The following PBX3 variants were observed in gnomAD, a reference collection of about 807,000 sequenced individuals.
PBX3 encodes pre-B-cell leukemia transcription factor 3.
A neutral mutation model predicts 48.5 loss-of-function variants in PBX3; 14 were observed. The observed-to-expected ratio is 0.29, with a 90% CI of 0.19 to 0.45. The LOEUF (loss-of-function observed/expected upper bound fraction) is 0.45, where lower values mean the gene tolerates loss of function less well. Among genes scored for constraint, PBX3 ranks in the 20% least tolerant of loss-of-function variants. PBX3 has a pLI of 1.00. For missense variants in PBX3, 386 were observed against 546.7 expected (o/e 0.71, Z 2.93); for synonymous variants, 210 against 200.3 (o/e 1.05, Z -0.41).
At chr9:125,937,524 C>A (rs112312800) in intron 5 of PBX3, among the ~76,000 whole-genome samples, 3 of 152,032 alleles carry the variant, frequency 2.0e-5, no homozygotes, top group African/African-American at 7.3e-5. Context: ...AACTTTCTGA[C>A]CTTGTTTCTT....
At chr9:125,867,899 A>C (rs1840029018) in intron 2 of PBX3, among the ~76,000 whole-genome samples, 1 of 151,700 alleles carries the variant, frequency 6.6e-6, no homozygotes, top group Admixed American at 6.6e-5. Flanking sequence ...GTTTTGAGAC[A>C]AGGTCTTGTT....
rs534021447 is a variant in PBX3 at position 125,874,360 on chromosome 9, T to C, written c.275-41326T>C. The stretch of plus-strand genomic sequence containing the variant: ...ATATAACATTAATATAACCGTGATA[T>C]TGAAATAGGTAACAATACAAGAAAG... On this transcript the variant is annotated intron_variant, in intron 2 of 8. Transcript: ENST00000373489. 3.3e-5 allele frequency among the ~76,000 whole-genome samples: 5 copies of C among 152,232 alleles called. No individual in the cohort carries two copies. In the East Asian group the frequency reaches 9.7e-4, roughly 29 times the overall value.
intron 2 of PBX3, among the ~76,000 whole-genome samples, chr9:125,899,203 T>TTATA (rs1564162996): frequency 7.8e-6 from 1 of 127,808 alleles, no homozygotes; most frequent in African/African-American, 2.8e-5. Flanking sequence ...ATATATATAT[T>TTATA]TATAAATATA....
rs1261664139 is a variant in PBX3 at position 125,907,264 on chromosome 9, T to C, written c.275-8422T>C. Among the ~76,000 whole-genome samples the C allele has an allele frequency of 2.0e-5, 3 of 151,948 alleles. No homozygotes were observed. The East Asian group carries it at 5.8e-4, about 29-fold the overall frequency. On this transcript the variant is annotated intron_variant, in intron 2 of 8. Transcript: ENST00000373489. ...GTCAACACAACGTATGGTAAATAAA[T>C]TTTGATATATAAAAATGCCAGAATT...
intron 2 of PBX3, among the ~76,000 whole-genome samples, chr9:125,793,501 C>T (rs1227747028): frequency 1.3e-5 from 2 of 151,132 alleles, no homozygotes; most frequent in Non-Finnish European, 2.9e-5. Context: ...ACGATCTCAG[C>T]TCACTGCATC....
intron 2 of PBX3, among the ~76,000 whole-genome samples, chr9:125,823,890 A>G (rs563454880): frequency 6.6e-6 from 1 of 152,228 alleles, no homozygotes; most frequent in South Asian, 2.1e-4. Flanking sequence ...AGCTTGGCCA[A>G]CATGGTGAAA....
chr9:125,766,402 T>C (rs954423823), intron 2 of PBX3, among the ~76,000 whole-genome samples: 19 of 152,062 alleles, frequency 1.2e-4, no homozygotes, highest in Admixed American at 4.6e-4. Flanking sequence ...ATTTTAAAAA[T>C]AGAAAAATCT....
At chr9:125,852,980 G>C (rs984246426) in intron 2 of PBX3, among the ~76,000 whole-genome samples, 2 of 152,026 alleles carry the variant, frequency 1.3e-5, no homozygotes, top group Non-Finnish European at 2.9e-5. Context: ...TTTATTTTTA[G>C]TGTTTTGTCA....
At chr9:125,935,119 C>T (rs1011799701) in intron 4 of PBX3, among the ~76,000 whole-genome samples, 3 of 152,142 alleles carry the variant, frequency 2.0e-5, no homozygotes, top group Non-Finnish European at 2.9e-5. Context: ...CAAGATATTT[C>T]TGTTTCAGAA....
At chr9:125,778,853 T>A (rs1350147861) in intron 2 of PBX3, among the ~76,000 whole-genome samples, 3 of 137,228 alleles carry the variant, frequency 2.2e-5, no homozygotes, top group Non-Finnish European at 4.6e-5. Flanking sequence ...ATTTACCAAC[T>A]TTGCTCACCA....
intron 1 of PBX3, chr9:125,748,331 G>A (rs1836264275): frequency 1.6e-6 from 2 of 1,239,098 alleles, no homozygotes; most frequent in South Asian, 3.9e-5. Flanking sequence ...GCTGCCTGCC[G>A]GGCAGATGGG....
intron 2 of PBX3, among the ~76,000 whole-genome samples, chr9:125,861,153 A>G (rs1310904708): frequency 6.6e-6 from 1 of 151,702 alleles, no homozygotes; most frequent in Non-Finnish European, 1.5e-5. Context: ...AAATTAATCC[A>G]GTGTAATGGC....
intron 2 of PBX3, among the ~76,000 whole-genome samples, chr9:125,793,362 AAAAAATATATATATAT>A (rs1344518831): frequency 3.0e-5 from 2 of 65,652 alleles, no homozygotes; most frequent in Admixed American, 1.8e-4. Flanking sequence ...GGGGGGAAAA[AAAAAATATATATATAT>A]ATATATATAT....
At chr9:125,871,895 A>G (rs1840134089) in intron 2 of PBX3, among the ~76,000 whole-genome samples, 1 of 152,190 alleles carries the variant, frequency 6.6e-6, no homozygotes, top group African/African-American at 2.4e-5. Flanking sequence ...AAGGTGACAA[A>G]GTTGTATTTC....
At chr9:125,897,187 G>A (rs902732804) in intron 2 of PBX3, among the ~76,000 whole-genome samples, 3 of 111,214 alleles carry the variant, frequency 2.7e-5, no homozygotes, top group African/African-American at 7.0e-5. Flanking sequence ...ACATTCATTC[G>A]CATTAGAATT....
chr9:125,907,917 A>G (rs1171598096), intron 2 of PBX3, among the ~76,000 whole-genome samples: 3 of 152,140 alleles, frequency 2.0e-5, no homozygotes, highest in Non-Finnish European at 2.9e-5. Flanking sequence ...AATGAGGCCA[A>G]TGACATCCAC....
At chr9:125,942,000 C>G (rs1162148359) in intron 5 of PBX3, among the ~76,000 whole-genome samples, 1 of 152,100 alleles carries the variant, frequency 6.6e-6, no homozygotes, top group Non-Finnish European at 1.5e-5. Flanking sequence ...GATTTAAAAA[C>G]AAAAATGAGA....
Position 125,962,185 on chromosome 9 carries a change from T to C in PBX3, c.1093T>C (p.Ser365Pro). ...QSLNGDSYQG[S>P]QVGANVQSQV... ...TCTGAATGGGGATTCTTACCAAGGGTCCCAAGTCGGAGCCAATGTGCAATC... is the reference window on the plus strand; with the variant it reads ...TCTGAATGGGGATTCTTACCAAGGGCCCCAAGTCGGAGCCAATGTGCAATC... Residue 365 changes from serine to proline, a missense_variant, in exon 7 of 9, where the codon TCC (serine) becomes CCC (proline). By Grantham distance (74) the Ser-to-Pro change is moderately conservative. Around this residue, in one of 4 missense-constraint regions of PBX3, gnomAD observed 127 missense variants for 143.3 expected, o/e 0.89. Transcript: ENST00000373489. 6.2e-7 allele frequency: 1 copy of C among 1,611,390 alleles called. No homozygotes were observed. Among genetic ancestry groups the C allele is most frequent in the Non-Finnish European group, 8.5e-7 (1 of 1,177,626 alleles).
intron 2 of PBX3, among the ~76,000 whole-genome samples, chr9:125,867,276 A>G (rs1840004851): frequency 1.3e-5 from 2 of 152,192 alleles, no homozygotes; most frequent in Non-Finnish European, 2.9e-5. Context: ...GCCATGGGTA[A>G]TACATTTTTA....
Sources: allele counts gnomAD v4.1 joint callset (sites outside exome capture counted in the v4.1 genomes callset), GRCh38; gene constraint gnomAD v4.1.1; regional missense constraint gnomAD v4.1.1; transcripts MANE v1.5; gene names NCBI Gene and HGNC (gene_info 2026-07-23, HGNC 2026-07-21).